TNNT3: variants seen among roughly 807,000 people sequenced by gnomAD.
TNNT3 encodes troponin T, fast skeletal muscle.
Under a neutral mutation model 54.2 loss-of-function variants are expected in TNNT3, and 36 were observed. That is an observed-to-expected ratio of 0.66 (90% CI 0.51 to 0.88). TNNT3 has a LOEUF of 0.88. Ranked by LOEUF, TNNT3 falls within the 40% of genes least tolerant of loss-of-function variation. The probability of loss-of-function intolerance (pLI) is 0.00; values close to 1 mark genes in which losing one functional copy is unlikely to be tolerated. For synonymous variants in TNNT3, 120 were observed against 109.7 expected, an observed-to-expected ratio of 1.09 and a Z score of -0.59; for missense variants, 291 against 331.6, an observed-to-expected ratio of 0.88 and a Z score of 0.95.
At chr11:1,937,129 G>T in intron 15 of TNNT3, 126 bp downstream of exon 15, 1 of 1,051,376 alleles carries the variant, frequency 9.5e-7, no homozygotes, top group Non-Finnish European at 1.4e-6. Context: ...GACTAACCCG[G>T]CCAGGCCACC....
intron 4 of TNNT3, among the ~76,000 whole-genome samples, chr11:1,924,632 C>T (rs572843981): frequency 2.6e-5 from 4 of 152,314 alleles, no homozygotes; most frequent in East Asian, 1.9e-4. Context: ...CGGGAGGCCA[C>T]GGAAGGGTCT....
At position 1,931,463 on chromosome 11, in the gene TNNT3, C is replaced by T. The variant is rs1853322292; in HGVS notation, c.126-1006C>T. 2.6e-5 allele frequency among the ~76,000 whole-genome samples: 4 copies of T among 152,386 alleles called. No homozygotes were observed. The South Asian group carries it at 8.3e-4, about 32-fold the overall frequency. The stretch of plus-strand genomic sequence containing the variant: ...GGGACAGGAACGTGCTTTTACATTG[C>T]AGCCTCTGATGGATGAGAAACGGCA... On this transcript the variant is annotated intron_variant, in intron 8 of 15. Transcript: ENST00000278317.
intron 7 of TNNT3, 46 bp downstream of exon 7, chr11:1,929,189 G>T (rs764215844): frequency 7.5e-6 from 12 of 1,607,518 alleles, no homozygotes; most frequent in Middle Eastern, 1.6e-4. Context: ...CCTGGCTCTA[G>T]CCGACGCGAG....
intron 5 of TNNT3, chr11:1,925,441 C>T: frequency 1.3e-6 from 1 of 750,694 alleles, no homozygotes; most frequent in East Asian, 2.7e-5. Flanking sequence ...GCGGCCAATG[C>T]TTGACCAGAG....
intron 1 of TNNT3, among the ~76,000 whole-genome samples, chr11:1,920,399 C>A (rs1042724342): frequency 6.6e-6 from 1 of 152,122 alleles, no homozygotes; most frequent in Admixed American, 6.5e-5. Context: ...CAGGACGGGG[C>A]AAGAGTGAGG....
At position 1,925,071 on chromosome 11, in the gene TNNT3, T is replaced by A. The variant is rs1851157030; in HGVS notation, c.50-28T>A. ...CCCTGTCTCCCTCAACCCCGCCTTC[T>A]CCTGCTCCTGGCTTCTCCGGCTCTC... On this transcript the variant is annotated intron_variant, in intron 4 of 15. Coordinates refer to ENST00000278317, the MANE Select transcript of TNNT3 (RefSeq NM_006757.4). 4 of 1,611,936 alleles carry A rather than the reference T, an allele frequency of 2.5e-6. No individual in the cohort carries two copies. The Admixed American group carries it at 6.7e-5, about 27-fold the overall frequency.
At chr11:1,922,460 C>G (rs552374489) in intron 1 of TNNT3, among the ~76,000 whole-genome samples, 1 of 152,168 alleles carries the variant, frequency 6.6e-6, no homozygotes, top group African/African-American at 2.4e-5. Context: ...ATCAGCGGGA[C>G]CTTTCCAGTG....
At position 1,919,715 on chromosome 11, in the gene TNNT3, C is replaced by T. The variant is rs562995494; in HGVS notation, c.-66C>T. 1.1e-4 allele frequency: 16 copies of T among 152,374 alleles called. No individual in the cohort carries two copies. The highest frequency in any genetic ancestry group is 3.4e-3 in the Middle Eastern group (1 of 294). The allele number at this position is 152,374 out of a possible 1,614,324, so 9.4% of individuals were successfully genotyped here. A position where few individuals can be genotyped will look rare whatever the true frequency, so the allele number is the denominator to read the frequency against. On this transcript the variant is annotated 5_prime_UTR_variant, in exon 1 of 16. Transcript: ENST00000278317. ...TGAGCCGGGCGCCAGTGCCTGCAGC[C>T]GGTGCTGTCCACAGGGAGCTCCAGC... is the stretch of plus-strand genomic sequence containing the variant.
intron 6 of TNNT3, among the ~76,000 whole-genome samples, chr11:1,928,629 G>A (rs546450871): frequency 1.3e-5 from 2 of 152,164 alleles, no homozygotes; most frequent in African/African-American, 2.4e-5. Flanking sequence ...CCTGAGGGCT[G>A]TAGTCATTCC....
intron 5 of TNNT3, among the ~76,000 whole-genome samples, chr11:1,926,118 C>G (rs1454358398): frequency 6.6e-6 from 1 of 152,178 alleles, no homozygotes; most frequent in Non-Finnish European, 1.5e-5. Flanking sequence ...GGCGCGGACA[C>G]CCTTCTGGGG....
intron 5 of TNNT3, chr11:1,925,421 C>A: frequency 1.1e-6 from 1 of 876,470 alleles, no homozygotes; most frequent in Non-Finnish European, 1.8e-6. Context: ...CCTAATGTAA[C>A]CCACTAACCG....
At chr11:1,935,000 A>C (rs1047265698) in intron 14 of TNNT3, 81 bp downstream of exon 14, 1 of 1,370,866 alleles carries the variant, frequency 7.3e-7, no homozygotes, top group Non-Finnish European at 1.0e-6. Context: ...CGTCCCTACC[A>C]AACTCTGGAC....
intron 15 of TNNT3, among the ~76,000 whole-genome samples, chr11:1,937,933 T>C (rs1276923139): frequency 1.3e-5 from 2 of 152,152 alleles, no homozygotes; most frequent in Non-Finnish European, 2.9e-5. Flanking sequence ...CAGCCGCGTC[T>C]GAATGGGGCC....
intron 8 of TNNT3, among the ~76,000 whole-genome samples, chr11:1,932,073 G>GC (rs1008026476): frequency 3.9e-5 from 6 of 152,210 alleles, no homozygotes; most frequent in Non-Finnish European, 7.3e-5. Context: ...CAGGCTCGCA[G>GC]CAGCCATTCC....
chr11:1,926,497 C>T lies in TNNT3; in HGVS notation c.68-198C>T, dbSNP rs536269204. ...CATGAACCAGGTACGTGCATGACTT[C>T]GATGCCACATGGGCACGTGTGGCCA... On this transcript the variant is annotated intron_variant, in intron 5 of 15. Transcript: ENST00000278317. 131 of 1,613,158 alleles carry T rather than the reference C, an allele frequency of 8.1e-5. No homozygotes were observed. In the South Asian group the frequency reaches 1.2e-3, roughly 14 times the overall value.
In TNNT3 at chr11:1,937,092, T is replaced by C. The variant is rs1265374107; in HGVS notation, c.722+89T>C. 6 of 1,407,054 alleles carry C rather than the reference T, an allele frequency of 4.3e-6. No homozygotes were observed. In the Admixed American group the frequency reaches 1.2e-4, roughly 28 times the overall value. 87.2% of individuals were successfully genotyped at this position (1,407,054 alleles called of 1,614,324 possible). A position where few individuals can be genotyped will look rare whatever the true frequency, so the allele number is the denominator to read the frequency against. ...GCCAGTCCCTAACAAGGGCCGGTGG[T>C]GGCTGGCCTCGGCAGGGCAGTAACG... On this transcript the variant is annotated intron_variant, in intron 15 of 15. Transcript: ENST00000278317.
At chr11:1,928,918 C>T (rs1414527966) in intron 6 of TNNT3, 3 of 677,760 alleles carry the variant, frequency 4.4e-6, no homozygotes, top group East Asian at 2.7e-5. Context: ...GCACCCAGCC[C>T]CTTCCACCCC....
At chr11:1,926,431 G>T in intron 5 of TNNT3, 1 of 1,613,142 alleles carries the variant, frequency 6.2e-7, no homozygotes, top group Non-Finnish European at 8.5e-7. Context: ...CTGACCCGCG[G>T]TTTTGCCTCT....
rs767746676 is a variant in TNNT3, at chr11:1,929,124, C to T, written c.87C>T (p.Thr29=). The change falls in exon 7 of 16, where the codon ACC becomes ACT. Residue 29 remains threonine (T), a synonymous_variant. Coordinates refer to ENST00000278317, the MANE Select transcript of TNNT3 (RefSeq NM_006757.4). ...GTGCCTTTTGCCACCTGGAAGACAC[C>T]GCAGAGGAGGACGCGGAAGGTAAGG... is the stretch of plus-strand genomic sequence containing the variant. ...AQEEEEVQED[T]AEEDAEEEKP... is the part of the protein sequence containing the mutation. 120 of 1,613,102 alleles carry T rather than the reference C, an allele frequency of 7.4e-5. No homozygotes were observed. Among genetic ancestry groups the T allele is most frequent in the Admixed American group, 1.8e-4 (11 of 60,014 alleles).
Sources: gnomAD v4.1 joint callset for allele counts (sites outside exome capture counted in the v4.1 genomes callset) on GRCh38, gnomAD v4.1.1 for gene constraint, MANE v1.5 for transcripts, NCBI Gene and HGNC (gene_info 2026-07-23, HGNC 2026-07-21) for gene names.